Variants in RNLS observed in about 807,000 individuals in gnomAD.
The protein encoded by RNLS is renalase.
In RNLS, 39 loss-of-function variants were observed where a neutral mutation model predicts 39.8. The observed-to-expected ratio is 0.98, with a 90% CI of 0.76 to 1.28. RNLS has a LOEUF of 1.28. Among genes scored for constraint, RNLS ranks in the 50% most tolerant of loss-of-function variants. The pLI, the probability that RNLS is intolerant of heterozygous loss-of-function variation, is 0.00. For missense variants in RNLS, 410 were observed against 413.3 expected (o/e 0.99, Z 0.07); for synonymous variants, 147 against 150.7 (o/e 0.98, Z 0.18).
intron 4 of RNLS, among the ~76,000 whole-genome samples, chr10:88,373,052 C>T (rs1182503426): frequency 6.6e-6 from 1 of 152,080 alleles, no homozygotes; most frequent in Non-Finnish European, 1.5e-5. Context: ...TCTTCCCAGC[C>T]TATCCATCTA....
At chr10:88,343,583 G>A in intron 5 of RNLS, 1 of 985,212 alleles carries the variant, frequency 1.0e-6, no homozygotes, top group Non-Finnish European at 1.2e-6. Flanking sequence ...TCTACTTTCT[G>A]TCCAGGGCTG....
intron 5 of RNLS, among the ~76,000 whole-genome samples, chr10:88,329,761 T>C (rs1846947553): frequency 6.6e-6 from 1 of 152,114 alleles, no homozygotes. Flanking sequence ...CCATTCTCCT[T>C]ACATCTGTGG....
At chr10:88,495,001 C>T (rs1845086537) in intron 4 of RNLS, among the ~76,000 whole-genome samples, 1 of 152,154 alleles carries the variant, frequency 6.6e-6, no homozygotes, top group Admixed American at 6.6e-5. Context: ...AGGTTTGACA[C>T]TTAGATTCGC....
chr10:88,285,597 G>T (rs1843205978), intron 6 of RNLS, 91 bp from the exon 7 acceptor site: 1 of 1,062,038 alleles, frequency 9.4e-7, no homozygotes, highest in Non-Finnish European at 1.4e-6. Context: ...AGTCTACCTG[G>T]AGAAATCAAG....
At chr10:88,549,599 G>A (rs1312261914) in intron 4 of RNLS, among the ~76,000 whole-genome samples, 1 of 152,048 alleles carries the variant, frequency 6.6e-6, no homozygotes, top group Non-Finnish European at 1.5e-5. Context: ...TTCTAGATGA[G>A]ATGAATAGAA....
chr10:88,363,917 G>A (rs1013173811), intron 4 of RNLS, among the ~76,000 whole-genome samples: 1 of 152,058 alleles, frequency 6.6e-6, no homozygotes, highest in Non-Finnish European at 1.5e-5. Flanking sequence ...ACAGTGCTTG[G>A]CATATAATAA....
At chr10:88,574,476 A>C (rs2209556) in intron 3 of RNLS, among the ~76,000 whole-genome samples, 2,855 of 152,250 alleles carry the variant, frequency 0.019, 77 homozygotes, top group South Asian at 0.07. Flanking sequence ...CTTTAGTACT[A>C]ATTTTGACAT....
At chr10:88,403,392 T>G (rs1175293598) in intron 4 of RNLS, among the ~76,000 whole-genome samples, 1 of 152,098 alleles carries the variant, frequency 6.6e-6, no homozygotes, top group Non-Finnish European at 1.5e-5. Context: ...AAATTATTGT[T>G]AATATTTGTG....
chr10:88,294,581 A>T lies in RNLS; in HGVS notation c.877-9075T>A, dbSNP rs143126993. Among the ~76,000 whole-genome samples, 463 of 152,272 alleles carry T rather than the reference A, an allele frequency of 3.0e-3. 4 individuals carry two copies. Among genetic ancestry groups the T allele is most frequent in the Non-Finnish European group, 5.6e-3 (382 of 68,016 alleles). Reference sequence around the variant, plus strand: ...AAAAATCCTTTTGGGGTTTGACGAAAATCCAACAAAATGTTGCTAATTCCT... The same window carrying T: ...AAAAATCCTTTTGGGGTTTGACGAATATCCAACAAAATGTTGCTAATTCCT... On this transcript the variant is annotated intron_variant, in intron 6 of 6. Coordinates refer to ENST00000331772, the MANE Select transcript of RNLS (RefSeq NM_001031709.3).
downstream of RNLS, chr10:88,273,840 G>T (rs1356338126): frequency 3.4e-5 from 5 of 147,618 alleles, no homozygotes; most frequent in African/African-American, 1.2e-4. Flanking sequence ...AAAAAAAAAT[G>T]CCAAATTGAT....
intron 4 of RNLS, among the ~76,000 whole-genome samples, chr10:88,561,566 G>T (rs1052531932): frequency 6.6e-6 from 1 of 151,952 alleles, no homozygotes; most frequent in African/African-American, 2.4e-5. Flanking sequence ...TCCATATAAA[G>T]ATTTTAATGT....
intron 5 of RNLS, among the ~76,000 whole-genome samples, chr10:88,323,754 G>A (rs1325783170): frequency 6.6e-6 from 1 of 151,986 alleles, no homozygotes; most frequent in Non-Finnish European, 1.5e-5. Flanking sequence ...ACAGACAAAT[G>A]GGATTTAATT....
intron 4 of RNLS, among the ~76,000 whole-genome samples, chr10:88,534,633 G>A (rs1847636278): frequency 6.6e-6 from 1 of 152,022 alleles, no homozygotes; most frequent in South Asian, 2.1e-4. Flanking sequence ...ATCATAGGCT[G>A]TGTTGAGAAT....
At chr10:88,364,194 G>A (rs1473894263) in intron 4 of RNLS, among the ~76,000 whole-genome samples, 2 of 152,018 alleles carry the variant, frequency 1.3e-5, no homozygotes, top group Non-Finnish European at 2.9e-5. Flanking sequence ...ATTCAGACAT[G>A]GAACATATGA....
intron 1 of RNLS, among the ~76,000 whole-genome samples, chr10:88,582,862 T>C (rs1850698229): frequency 1.4e-5 from 2 of 145,070 alleles, no homozygotes; most frequent in African/African-American, 5.0e-5. Context: ...GCCCCCACCC[T>C]CGCCCCTTCT....
chr10:88,273,233 C>T (rs1015183935), downstream of RNLS, among the ~76,000 whole-genome samples: 3 of 152,172 alleles, frequency 2.0e-5, no homozygotes, highest in South Asian at 2.1e-4. Flanking sequence ...CTCTGGAGCA[C>T]CTCAACACAA....
chr10:88,449,297 G>A (rs1057465884), intron 4 of RNLS, among the ~76,000 whole-genome samples: 1 of 152,090 alleles, frequency 6.6e-6, no homozygotes, highest in Non-Finnish European at 1.5e-5. Flanking sequence ...CTTCTTCTAG[G>A]CACAATTAAA....
At chr10:88,421,447 C>T (rs1184062389) in intron 4 of RNLS, among the ~76,000 whole-genome samples, 4 of 152,128 alleles carry the variant, frequency 2.6e-5, no homozygotes, top group Non-Finnish European at 5.9e-5. Flanking sequence ...CGGCCTTGTC[C>T]CTCATGCAGT....
Position 88,583,251 on chromosome 10 carries a change from T to C in RNLS, c.-61A>G, listed in dbSNP as rs1462721279. ...CGGCGGGGCCGTTCGGCCCGGGCTTTCTGGAAAGGCGGCCGAACCGGCGCT... is the reference window on the plus strand; with the variant it reads ...CGGCGGGGCCGTTCGGCCCGGGCTTCCTGGAAAGGCGGCCGAACCGGCGCT... On this transcript the variant is annotated 5_prime_UTR_variant, in exon 1 of 7. Coordinates refer to ENST00000331772, the MANE Select transcript of RNLS (RefSeq NM_001031709.3). The C allele has an allele frequency of 6.3e-7, 1 of 1,597,704 alleles. No homozygotes were observed.
Sources: gnomAD v4.1 joint callset for allele counts (sites outside exome capture counted in the v4.1 genomes callset) on GRCh38, gnomAD v4.1.1 for gene constraint, MANE v1.5 for transcripts, NCBI Gene and HGNC (gene_info 2026-07-23, HGNC 2026-07-21) for gene names.